DPP4: variants seen among roughly 807,000 people sequenced by gnomAD.
The protein encoded by DPP4 is ADCP-2.
Under a neutral mutation model 122.4 loss-of-function variants are expected in DPP4, and 93 were observed. The ratio of observed to expected loss-of-function variants is 0.76; its 90% CI spans 0.64 to 0.90. The LOEUF (loss-of-function observed/expected upper bound fraction) is 0.90. DPP4 is among the 40% of genes least tolerant of loss of function. The pLI, the probability that DPP4 is intolerant of heterozygous loss-of-function variation, is 0.00. For missense variants in DPP4, 914 were observed against 907.3 expected (o/e 1.01, Z -0.09); for synonymous variants, 321 against 302.9 (o/e 1.06, Z -0.62).
chr2:162,017,264 A>G, intron 16 of DPP4, 109 bp from the exon 17 acceptor site: 1 of 878,112 alleles, frequency 1.1e-6, no homozygotes, highest in Non-Finnish European at 1.8e-6. Context: ...TTGATAGAAT[A>G]TATAAATATT....
In DPP4 at chr2:161,993,376, A is replaced by G; in HGVS notation, c.2208T>C (p.Thr736=). The G allele has an allele frequency of 1.2e-6, 2 of 1,609,934 alleles. No homozygotes were observed. Among genetic ancestry groups the G allele is most frequent in the Non-Finnish European group, 1.7e-6 (2 of 1,176,322 alleles). The change falls in exon 26 of 26, where the codon ACT becomes ACC. Residue 736 remains threonine, a synonymous_variant. Transcript: ENST00000360534. The part of the protein sequence containing the change: ...VGVDFQAMWY[T]DEDHGIASST... Reference sequence around the variant, plus strand: ...TGCTAGCTATTCCATGGTCTTCATCAGTATACCACTAGAGAGAGAAAGAAA... The same window carrying G: ...TGCTAGCTATTCCATGGTCTTCATCGGTATACCACTAGAGAGAGAAAGAAA...
At chr2:162,058,007 A>G (rs143983813) in intron 2 of DPP4, among the ~76,000 whole-genome samples, 1,984 of 152,280 alleles carry the variant, frequency 0.013, 21 homozygotes, top group South Asian at 0.017. Flanking sequence ...TCCTGGCCTC[A>G]GATGATCTGC....
chr2:162,004,737 A>T (rs528255974), intron 23 of DPP4, among the ~76,000 whole-genome samples: 1 of 152,344 alleles, frequency 6.6e-6, no homozygotes, highest in African/African-American at 2.4e-5. Context: ...CAGCATCCAT[A>T]GTAATAGGGA....
At chr2:162,002,733 G>C (rs1400774268) in intron 23 of DPP4, among the ~76,000 whole-genome samples, 4 of 152,078 alleles carry the variant, frequency 2.6e-5, no homozygotes, top group African/African-American at 9.7e-5. Flanking sequence ...GGAAAGAAAA[G>C]TAAAAGATGG....
At chr2:162,073,219 C>T in intron 2 of DPP4, 180 bp downstream of exon 2, 1 of 582,016 alleles carries the variant, frequency 1.7e-6, no homozygotes, top group Non-Finnish European at 3.1e-6. Context: ...CACTGAAGAC[C>T]CCGCGAAGTG....
intron 16 of DPP4, among the ~76,000 whole-genome samples, chr2:162,018,229 T>C (rs1332202225): frequency 6.6e-6 from 1 of 152,220 alleles, no homozygotes; most frequent in Non-Finnish European, 1.5e-5. Flanking sequence ...TTAAAAGGGA[T>C]GGCTCGGGCG....
intron 4 of DPP4, 44 bp from the exon 5 acceptor site, chr2:162,045,656 C>A: frequency 7.1e-7 from 1 of 1,401,098 alleles, no homozygotes; most frequent in Non-Finnish European, 1.0e-6. Context: ...AATTCCATTT[C>A]ATTGCCATCA....
chr2:162,005,311 A>G (rs956747737), intron 23 of DPP4, among the ~76,000 whole-genome samples: 5 of 151,966 alleles, frequency 3.3e-5, no homozygotes, highest in Admixed American at 2.0e-4. Context: ...AATCTTTGTG[A>G]AAAAAAACTG....
intron 2 of DPP4, among the ~76,000 whole-genome samples, chr2:162,062,016 C>T (rs533957424): frequency 1.2e-4 from 18 of 152,160 alleles, no homozygotes; most frequent in African/African-American, 3.6e-4. Context: ...CACCTATAAT[C>T]CCAGCACTTT....
chr2:162,002,143 G>C (rs989613293), intron 23 of DPP4, among the ~76,000 whole-genome samples: 3 of 152,208 alleles, frequency 2.0e-5, no homozygotes, highest in Non-Finnish European at 2.9e-5. Flanking sequence ...GTAGGCCTTA[G>C]AAAATGGAGT....
intron 4 of DPP4, chr2:162,046,620 G>C (rs944053898): frequency 2.0e-6 from 1 of 494,582 alleles, no homozygotes; most frequent in African/African-American, 1.9e-5. Context: ...GTAATGCTGT[G>C]GGGTTGCATG....
intron 2 of DPP4, among the ~76,000 whole-genome samples, chr2:162,067,341 G>A (rs1335000747): frequency 6.6e-6 from 1 of 152,136 alleles, no homozygotes; most frequent in Non-Finnish European, 1.5e-5. Context: ...CCAGTTTTAA[G>A]AAGTCAGGGA....
intron 8 of DPP4, among the ~76,000 whole-genome samples, chr2:162,035,949 G>A (rs1211266310): frequency 6.6e-6 from 1 of 152,116 alleles, no homozygotes; most frequent in African/African-American, 2.4e-5. Flanking sequence ...TATGCTGATG[G>A]GTAAGAGAAG....
chr2:162,016,626 G>T, intron 18 of DPP4, 142 bp downstream of exon 18: 1 of 536,078 alleles, frequency 1.9e-6, no homozygotes, highest in Non-Finnish European at 3.1e-6. Flanking sequence ...AGTATTTCTT[G>T]TGACAAAACA....
intron 23 of DPP4, among the ~76,000 whole-genome samples, chr2:162,001,659 A>G (rs1018153713): frequency 6.6e-6 from 1 of 152,196 alleles, no homozygotes; most frequent in African/African-American, 2.4e-5. Context: ...ACCACATGAG[A>G]GACCATTCCT....
intron 5 of DPP4, 52 bp from the exon 6 acceptor site, chr2:162,039,236 C>A: frequency 1.3e-6 from 2 of 1,518,620 alleles, no homozygotes; most frequent in South Asian, 2.3e-5. Context: ...ATAATTTGGC[C>A]ACTCACTATA....
chr2:162,034,243 A>T (rs1307613019), intron 9 of DPP4, among the ~76,000 whole-genome samples: 1 of 152,152 alleles, frequency 6.6e-6, no homozygotes, highest in Admixed American at 6.5e-5. Flanking sequence ...ATACACATAG[A>T]TCTTCGATTG....
Position 162,005,806 on chromosome 2 carries a change from G to A in DPP4, c.1991C>T (p.Ser664Leu). The stretch of plus-strand genomic sequence containing the variant: ...ACCCATGTAACGTTCTGTGTACACT[G>A]AGTCTGTGAAAGAAAAAAAAATAAA... ...APVSRWEYYD[S>L]VYTERYMGLP... The change falls in exon 23 of 26, where the codon TCA becomes TTA. Residue 664 changes from serine (S) to leucine (L), a missense_variant. Ser to Leu is a moderately radical substitution (Grantham distance 145, BLOSUM62 -2). Transcript: ENST00000360534. 1.2e-6 allele frequency: 2 copies of A among 1,611,854 alleles called. No individual in the cohort carries two copies. Among genetic ancestry groups the A allele is most frequent in the East Asian group, 2.2e-5 (1 of 44,796 alleles).
intron 3 of DPP4, 81 bp from the exon 4 acceptor site, chr2:162,047,087 T>C (rs1684209225): frequency 2.6e-6 from 2 of 755,134 alleles, no homozygotes; most frequent in Non-Finnish European, 4.4e-6. Flanking sequence ...GAATACAGTT[T>C]AAGCTCACAA....
Sources: gnomAD v4.1 joint callset for allele counts (sites outside exome capture counted in the v4.1 genomes callset) on GRCh38, gnomAD v4.1.1 for gene constraint, MANE v1.5 for transcripts, NCBI Gene and HGNC (gene_info 2026-07-23, HGNC 2026-07-21) for gene names.